Variants in RAB12 observed in about 807,000 individuals in gnomAD.
RAB12 encodes the protein ras-related protein Rab-12.
In RAB12, 11 loss-of-function variants were observed where a neutral mutation model predicts 28.4. That is an observed-to-expected ratio of 0.39 (90% CI 0.24 to 0.64). The LOEUF (loss-of-function observed/expected upper bound fraction) is 0.64. RAB12 is among the 30% of genes least tolerant of loss of function. RAB12 has a pLI of 0.50. For synonymous variants in RAB12, 138 were observed against 145.3 expected (o/e 0.95, Z 0.36); for missense variants, 276 against 351.1 (o/e 0.79, Z 1.71).
At chr18:8,633,977 T>C (rs1474558563) in intron 3 of RAB12, among the ~76,000 whole-genome samples, 1 of 152,158 alleles carries the variant, frequency 6.6e-6, no homozygotes, top group Non-Finnish European at 1.5e-5. Flanking sequence ...TGAGTTTTCT[T>C]CCCCTCGTGC....
intron 1 of RAB12, among the ~76,000 whole-genome samples, chr18:8,620,139 CTTTT>C (rs71165795): frequency 3.7e-5 from 2 of 53,952 alleles, no homozygotes; most frequent in South Asian, 1.1e-3. Flanking sequence ...TTTTCTTCTT[CTTTT>C]TTTTTTTTTT....
chr18:8,618,724 G>A (rs138704625), intron 1 of RAB12, among the ~76,000 whole-genome samples: 3,377 of 152,274 alleles, frequency 0.022, 141 homozygotes, highest in African/African-American at 0.076. Flanking sequence ...GTGTTAGCCA[G>A]AATGGTCTTG....
Position 8,632,578 on chromosome 18 carries a change from G to A in RAB12, c.576-611G>A, listed in dbSNP as rs79342900. 1.9e-3 allele frequency among the ~76,000 whole-genome samples: 285 copies of A among 152,234 alleles called. 7 individuals carry two copies. The East Asian group carries it at 0.051, about 27-fold the overall frequency. On this transcript the variant is annotated intron_variant, in intron 2 of 5. Coordinates refer to ENST00000649141, the MANE Select transcript of RAB12 (RefSeq NM_001025300.3). ...CACATGTGCCCCACGCCTGCCCCCA[G>A]CACTCTAGGTGGTGGTTAGTGAGCT...
chr18:8,610,065 C>G (rs2096002832), intron 1 of RAB12, 112 bp downstream of exon 1: 1 of 754,210 alleles, frequency 1.3e-6, no homozygotes, highest in Non-Finnish European at 2.2e-6. Context: ...GGATGGGCCT[C>G]TCGGTGAAAC....
chr18:8,610,002 G>A, intron 1 of RAB12, 49 bp downstream of exon 1: 1 of 1,446,134 alleles, frequency 6.9e-7, no homozygotes, highest in Non-Finnish European at 9.6e-7. Context: ...CGCCCGGGCA[G>A]GTGCCCTTCG....
At chr18:8,616,070 A>G (rs1373916993) in intron 1 of RAB12, among the ~76,000 whole-genome samples, 1 of 152,202 alleles carries the variant, frequency 6.6e-6, no homozygotes, top group Admixed American at 6.5e-5. Context: ...TTGAATTTGT[A>G]AAGAAAACAG....
chr18:8,634,687 G>A (rs561011076), intron 3 of RAB12, among the ~76,000 whole-genome samples: 5 of 152,050 alleles, frequency 3.3e-5, no homozygotes, highest in Admixed American at 6.5e-5. Flanking sequence ...TCCTGAGTGC[G>A]GGGCCCATTG....
At chr18:8,631,109 T>G (rs1408448081) in intron 2 of RAB12, among the ~76,000 whole-genome samples, 2 of 152,336 alleles carry the variant, frequency 1.3e-5, no homozygotes, top group East Asian at 3.9e-4. Flanking sequence ...AGGCTGGTCT[T>G]GAACTCGTGG....
intron 2 of RAB12, among the ~76,000 whole-genome samples, chr18:8,632,300 A>AAG (rs1240377196): frequency 1.3e-5 from 2 of 151,916 alleles, no homozygotes; most frequent in Non-Finnish European, 2.9e-5. Flanking sequence ...AAAAAAAAAA[A>AAG]AAGTAATTGG....
chr18:8,637,384 A>C (rs1353607042), intron 5 of RAB12, among the ~76,000 whole-genome samples: 2 of 151,890 alleles, frequency 1.3e-5, no homozygotes, highest in African/African-American at 4.8e-5. Flanking sequence ...TTATTAATGT[A>C]TTTTTATTTT....
intron 1 of RAB12, among the ~76,000 whole-genome samples, chr18:8,612,827 AG>A (rs1480604920): frequency 6.6e-6 from 1 of 152,110 alleles, no homozygotes; most frequent in Non-Finnish European, 1.5e-5. Flanking sequence ...CACACCACCA[AG>A]CCCTTTTTTG....
At chr18:8,629,298 A>G (rs2096014587) in intron 2 of RAB12, among the ~76,000 whole-genome samples, 1 of 152,228 alleles carries the variant, frequency 6.6e-6, no homozygotes, top group Non-Finnish European at 1.5e-5. Context: ...ACCAAATGGT[A>G]TCTAACTCTG....
chr18:8,609,460 G>T lies in RAB12; in HGVS notation c.21G>T (p.Arg7=). The change falls in exon 1 of 6, where the codon CGG becomes CGT. Residue 7 remains arginine (R), a synonymous_variant. Coordinates refer to ENST00000649141, the MANE Select transcript of RAB12 (RefSeq NM_001025300.3). ...CCGGGATGCTGCTGCCGCTACTGCGGAGTAGCTGCTTCCCTTCCTCCTCTC... is the reference window on the plus strand; with the variant it reads ...CCGGGATGCTGCTGCCGCTACTGCGTAGTAGCTGCTTCCCTTCCTCCTCTC... MLLPLL[R]SSCFPSSSPG... 1 of 150,780 alleles carries T rather than the reference G, an allele frequency of 6.6e-6. No individual in the cohort carries two copies. The highest frequency in any genetic ancestry group is 1.8e-4 in the South Asian group (1 of 5,640). 9.3% of individuals were successfully genotyped at this position (150,780 alleles called of 1,614,324 possible).
chr18:8,611,731 A>T (rs1163388182), intron 1 of RAB12, among the ~76,000 whole-genome samples: 1 of 152,094 alleles, frequency 6.6e-6, no homozygotes, highest in Non-Finnish European at 1.5e-5. Context: ...GATGCTTGGG[A>T]ATAAGGAAGA....
At chr18:8,622,801 C>T (rs538684937) in intron 1 of RAB12, among the ~76,000 whole-genome samples, 24 of 152,250 alleles carry the variant, frequency 1.6e-4, no homozygotes, top group Non-Finnish European at 2.2e-4. Flanking sequence ...CCATAGAAGA[C>T]GGCCACGCCC....
At position 8,639,226 on chromosome 18, in the gene RAB12, G is replaced by A. The variant is rs1441851483; in HGVS notation, c.*964G>A. On this transcript the variant is annotated 3_prime_UTR_variant, in exon 6 of 6. Transcript: ENST00000649141. ...GATGAATTTGTGAACTCTATCTTTG[G>A]TATATCTTTTATTAAACTGCACTGT... 1.3e-5 allele frequency: 1 copy of A among 74,784 alleles called. No homozygotes were observed. The highest frequency in any genetic ancestry group is 2.6e-5 in the Non-Finnish European group (1 of 39,140). The allele number at this position is 74,784 out of a possible 1,614,324, so 4.6% of individuals were successfully genotyped here.
Position 8,625,012 on chromosome 18 carries a change from T to A in RAB12, c.575+14T>A. 1 of 1,544,930 alleles carries A rather than the reference T, an allele frequency of 6.5e-7. No homozygotes were observed. ...ATTACAGATCTGGTAAGTGGGAGAG[T>A]GTGCACCCAGTAATGTGCTGTGTGT... On this transcript the variant is annotated intron_variant, in intron 2 of 5. Coordinates refer to ENST00000649141, the MANE Select transcript of RAB12 (RefSeq NM_001025300.3).
intron 1 of RAB12, among the ~76,000 whole-genome samples, chr18:8,622,613 C>T (rs748067860): frequency 7.9e-5 from 12 of 152,076 alleles, no homozygotes; most frequent in Non-Finnish European, 1.3e-4. Context: ...AGGACCAGGG[C>T]GAAATTAAAA....
chr18:8,613,829 A>AAGTAGTAGTAGT (rs3050584), intron 1 of RAB12, among the ~76,000 whole-genome samples: 91 of 148,760 alleles, frequency 6.1e-4, no homozygotes, highest in African/African-American at 1.2e-3. Context: ...CTATAAATAG[A>AAGTAGTAGTAGT]AGTAGTAGTA....
Sources: allele counts gnomAD v4.1 joint callset (sites outside exome capture counted in the v4.1 genomes callset), GRCh38; gene constraint gnomAD v4.1.1; transcripts MANE v1.5; gene names NCBI Gene and HGNC (gene_info 2026-07-23, HGNC 2026-07-21).